Variants in PLA2G15 observed in about 807,000 individuals in gnomAD.
The protein encoded by PLA2G15 is lysosomal phospholipase A and acyltransferase.
In PLA2G15, 20 loss-of-function variants were observed where a neutral mutation model predicts 40.9. That is an observed-to-expected ratio of 0.49 (90% CI 0.34 to 0.71). The LOEUF is 0.71. Among genes scored for constraint, PLA2G15 ranks in the 30% least tolerant of loss-of-function variants. The probability of loss-of-function intolerance (pLI) is 0.01; values close to 1 mark genes in which losing one functional copy is unlikely to be tolerated. For synonymous variants in PLA2G15, 223 were observed against 228.2 expected, an observed-to-expected ratio of 0.98 and a Z score of 0.21; for missense variants, 471 against 541.9, an observed-to-expected ratio of 0.87 and a Z score of 1.30.
rs2042394123 is a variant in PLA2G15, at chr16:68,255,642, C to T, written c.503-124C>T. On this transcript the variant is annotated intron_variant, in intron 4 of 5. Transcript: ENST00000219345. This position sits in a 1 kb window ranked among gnomAD's most constrained non-coding sequence, Gnocchi z 5.9. ...TTCATGGAAGGCGGGGGGACCCAGA[C>T]CGCTCTGTTTGAATGTGAGCACCCT... The T allele has an allele frequency of 1.3e-6, 1 of 790,354 alleles. No homozygotes were observed. Among genetic ancestry groups the T allele is most frequent in the Non-Finnish European group, 2.1e-6 (1 of 472,000 alleles). 49.0% of individuals were successfully genotyped at this position (790,354 alleles called of 1,614,324 possible).
Position 68,259,444 on chromosome 16 carries a change from C to T in PLA2G15, c.1026C>T (p.Phe342=). The change falls in exon 6 of 6, where the codon TTC becomes TTT. Residue 342 remains phenylalanine (F), a synonymous_variant. Coordinates refer to ENST00000219345, the MANE Select transcript of PLA2G15 (RefSeq NM_012320.4). The surrounding 1 kb of genome is among the most constrained non-coding windows in gnomAD (Gnocchi z 6.5). The part of the protein sequence containing the change: ...YGTGVPTPDS[F]YYESFPDRDP... ...CTGGCGTCCCCACACCAGACTCCTT[C>T]TACTATGAGAGCTTCCCTGACCGTG... is the stretch of plus-strand genomic sequence containing the variant. The T allele has an allele frequency of 6.2e-7, 1 of 1,613,922 alleles. No homozygotes were observed. Among genetic ancestry groups the T allele is most frequent in the South Asian group, 1.1e-5 (1 of 91,092 alleles).
Position 68,260,084 on chromosome 16 carries a change from G to A in PLA2G15, c.*427G>A, listed in dbSNP as rs2042434009. The A allele has an allele frequency of 5.6e-6, 1 of 179,242 alleles. No individual in the cohort carries two copies. Among genetic ancestry groups the A allele is most frequent in the African/African-American group, 2.4e-5 (1 of 42,216 alleles). The allele number at this position is 179,242 out of a possible 1,614,324, so 11.1% of individuals were successfully genotyped here. A position where few individuals can be genotyped will look rare whatever the true frequency, so the allele number is the denominator to read the frequency against. On this transcript the variant is annotated 3_prime_UTR_variant, in exon 6 of 6. Transcript: ENST00000219345. ...TGGTCCTGTACCCAGAGGTCCCAGGGATCGGCTCCTGGCCCCTCGGGTGAC... is the reference window on the plus strand; with the variant it reads ...TGGTCCTGTACCCAGAGGTCCCAGGAATCGGCTCCTGGCCCCTCGGGTGAC...
rs1392931566 is a variant in PLA2G15 at position 68,259,907 on chromosome 16, G to C, written c.*250G>C. 1 of 551,226 alleles carries C rather than the reference G, an allele frequency of 1.8e-6. No individual in the cohort carries two copies. The highest frequency in any genetic ancestry group is 3.2e-6 in the Non-Finnish European group (1 of 308,104). 34.1% of individuals were successfully genotyped at this position (551,226 alleles called of 1,614,324 possible). A position where few individuals can be genotyped will look rare whatever the true frequency, so the allele number is the denominator to read the frequency against. ...ATGCTGCTGATGGTGGAACTGCTGT[G>C]ACCTTAGGACTGGCTCCACAGGGTG... On this transcript the variant is annotated 3_prime_UTR_variant, in exon 6 of 6. Coordinates refer to ENST00000219345, the MANE Select transcript of PLA2G15 (RefSeq NM_012320.4). This position sits in a 1 kb window ranked among gnomAD's most constrained non-coding sequence, Gnocchi z 6.5.
rs1266895689 is a variant in PLA2G15, at chr16:68,260,441, A to T, written c.*784A>T. 5 of 152,516 alleles carry T rather than the reference A, an allele frequency of 3.3e-5. No individual in the cohort carries two copies. The highest frequency in any genetic ancestry group is 1.2e-4 in the African/African-American group (5 of 41,386). The allele number at this position is 152,516 out of a possible 1,614,324, so 9.4% of individuals were successfully genotyped here. ...TGAAGCTGCCTCCCTTCACCCTGGG[A>T]CTGTGGTTCCAAGGATGAGAGCAGG... On this transcript the variant is annotated 3_prime_UTR_variant, in exon 6 of 6. Coordinates refer to ENST00000219345, the MANE Select transcript of PLA2G15 (RefSeq NM_012320.4).
rs1230251912 is a variant in PLA2G15, at chr16:68,259,549, C to T, written c.1131C>T (p.Arg377=). 6.2e-7 allele frequency: 1 copy of T among 1,613,288 alleles called. No homozygotes were observed. Among genetic ancestry groups the T allele is most frequent in the African/African-American group, 1.3e-5 (1 of 74,956 alleles). Residue 377 remains arginine (R), a synonymous_variant, in exon 6 of 6, where the codon CGC becomes CGT. Transcript: ENST00000219345. This position sits in a 1 kb window ranked among gnomAD's most constrained non-coding sequence, Gnocchi z 6.5. ...TGCAGTGCCAGGCCTGGCAGAGCCG[C>T]CAGGAGCACCAAGTGTTGCTGCAGG... ...SALQCQAWQS[R]QEHQVLLQEL... is the part of the protein sequence containing the mutation.
rs551429402 is a variant in PLA2G15, at chr16:68,249,010, C to T, written c.128-280C>T. On this transcript the variant is annotated intron_variant, in intron 1 of 5. Coordinates refer to ENST00000219345, the MANE Select transcript of PLA2G15 (RefSeq NM_012320.4). ...GTTGGAGACAATGTTAGGGCCCTTC[C>T]CCAAACATGTCAGGCCTCTCCCAAG... 2.0e-5 allele frequency among the ~76,000 whole-genome samples: 3 copies of T among 152,282 alleles called. No individual in the cohort carries two copies. In the South Asian group the frequency reaches 6.2e-4, roughly 32 times the overall value.
intron 2 of PLA2G15, 27 bp from the exon 3 acceptor site, chr16:68,254,892 C>A: frequency 7.0e-7 from 1 of 1,426,424 alleles, no homozygotes; most frequent in South Asian, 1.2e-5. Flanking sequence ...CCCTCCGGGT[C>A]ACTGGCTCAA....
At chr16:68,257,360 C>A (rs1259354095) in intron 5 of PLA2G15, among the ~76,000 whole-genome samples, 1 of 152,184 alleles carries the variant, frequency 6.6e-6, no homozygotes, top group African/African-American at 2.4e-5. Context: ...AGTTGCGCCT[C>A]CATCTGTGGG....
At chr16:68,257,992 G>T (rs967659890) in intron 5 of PLA2G15, among the ~76,000 whole-genome samples, 19 of 152,190 alleles carry the variant, frequency 1.2e-4, no homozygotes, top group African/African-American at 4.3e-4. Context: ...GCCACAGCAG[G>T]CAGAGCTGAG....
At chr16:68,245,600 C>T (rs2151200520) in intron 1 of PLA2G15, 47 bp downstream of exon 1, 1 of 1,537,736 alleles carries the variant, frequency 6.5e-7, no homozygotes, top group Non-Finnish European at 8.7e-7. Flanking sequence ...GCGGGACGGG[C>T]CGCGGGCGGG....
chr16:68,247,864 G>A (rs938853796), intron 1 of PLA2G15, among the ~76,000 whole-genome samples: 2 of 152,218 alleles, frequency 1.3e-5, no homozygotes, highest in Admixed American at 6.5e-5. Context: ...GGGAAGTGGC[G>A]AGAGCATGGC....
At chr16:68,247,340 A>G (rs1440058076) in intron 1 of PLA2G15, among the ~76,000 whole-genome samples, 1 of 151,998 alleles carries the variant, frequency 6.6e-6, no homozygotes, top group Admixed American at 6.6e-5. Flanking sequence ...GGCCATTTCC[A>G]CCTCTTGCAG....
chr16:68,254,972 T>C lies in PLA2G15; in HGVS notation c.338T>C (p.Val113Ala). 1.2e-6 allele frequency: 2 copies of C among 1,614,114 alleles called. No individual in the cohort carries two copies. Among genetic ancestry groups the C allele is most frequent in the Non-Finnish European group, 1.7e-6 (2 of 1,179,994 alleles). ...ACCCAGTTTCCTGATGGTGTGGATGTACGTGTCCCTGGCTTTGGGAAGACC... is the reference window on the plus strand; with the variant it reads ...ACCCAGTTTCCTGATGGTGTGGATGCACGTGTCCCTGGCTTTGGGAAGACC... ...RATQFPDGVD[V>A]RVPGFGKTFS... The change falls in exon 3 of 6, where the codon GTA becomes GCA. Residue 113 changes from valine (V) to alanine (A), a missense_variant. Transcript: ENST00000219345.
In PLA2G15 at chr16:68,255,762, G is replaced by C; in HGVS notation, c.503-4G>C. The C allele has an allele frequency of 6.2e-7, 1 of 1,613,622 alleles. No homozygotes were observed. The highest frequency in any genetic ancestry group is 8.5e-7 in the Non-Finnish European group (1 of 1,179,522). ...CCTGACCCCTGCCTGGCTCTGGCCT[G>C]CAGATGAAAACGGGCCCTACTTCCT... On this transcript the variant is annotated splice_polypyrimidine_tract_variant and splice_region_variant and intron_variant, in intron 4 of 5. Coordinates refer to ENST00000219345, the MANE Select transcript of PLA2G15 (RefSeq NM_012320.4). The surrounding 1 kb of genome is among the most constrained non-coding windows in gnomAD (Gnocchi z 5.9).
chr16:68,247,149 C>T (rs1036127500), intron 1 of PLA2G15, among the ~76,000 whole-genome samples: 3 of 152,040 alleles, frequency 2.0e-5, no homozygotes, highest in African/African-American at 4.8e-5. Flanking sequence ...CTGGCCTTAG[C>T]CCTGGGAGAC....
chr16:68,257,690 G>GC (rs1289802997), intron 5 of PLA2G15, among the ~76,000 whole-genome samples: 1 of 152,202 alleles, frequency 6.6e-6, no homozygotes, highest in Non-Finnish European at 1.5e-5. Context: ...ATTGGGTCAG[G>GC]CCCAGTGACT....
chr16:68,255,391 ACT>A lies in PLA2G15; in HGVS notation c.502+15_502+16del, dbSNP rs2151204964. On this transcript the variant is annotated intron_variant, in intron 4 of 5. Transcript: ENST00000219345. The surrounding 1 kb of genome is among the most constrained non-coding windows in gnomAD (Gnocchi z 5.9). ...GGCGCCGAGCCCCAAGTAAGCAGGCACTCTCATTCCCTCCCTGACGTCTCGGG... is the reference window on the plus strand; with the variant it reads ...GGCGCCGAGCCCCAAGTAAGCAGGCACTCATTCCCTCCCTGACGTCTCGGG... The A allele has an allele frequency of 1.3e-6, 2 of 1,589,420 alleles. No individual in the cohort carries two copies. The highest frequency in any genetic ancestry group is 2.2e-5 in the East Asian group (1 of 44,632).
At chr16:68,252,574 T>C (rs1270594038) in intron 2 of PLA2G15, 1 of 456,060 alleles carries the variant, frequency 2.2e-6, no homozygotes, top group Non-Finnish European at 4.4e-6. Flanking sequence ...GCGGGGTCTG[T>C]CCTGTCTGGT....
chr16:68,249,172 T>G, intron 1 of PLA2G15, 118 bp from the exon 2 acceptor site: 1 of 749,646 alleles, frequency 1.3e-6, no homozygotes, highest in Non-Finnish European at 2.2e-6. Flanking sequence ...GATGTGGAAC[T>G]GCACAGGTCT....
Sources: gnomAD v4.1 joint callset for allele counts (sites outside exome capture counted in the v4.1 genomes callset) on GRCh38, gnomAD v4.1.1 for gene constraint, Gnocchi (gnomAD v3.1) non-coding constraint, MANE v1.5 for transcripts, NCBI Gene and HGNC (gene_info 2026-07-23, HGNC 2026-07-21) for gene names.